Variants in PDE11A observed in about 807,000 individuals in gnomAD.
PDE11A encodes the protein dual 3',5'-cyclic-AMP and -GMP phosphodiesterase 11A.
PDE11A carries 100 observed loss-of-function variants against 100.5 expected under a neutral mutation model. The observed-to-expected ratio is 1.00, with a 90% CI of 0.85 to 1.18. PDE11A has a LOEUF of 1.18. PDE11A is among the 50% of genes most tolerant of loss of function. The probability of loss-of-function intolerance (pLI) is 0.00; values close to 1 mark genes in which losing one functional copy is unlikely to be tolerated. For synonymous variants in PDE11A, 381 were observed against 420.8 expected (o/e 0.91, Z 1.16); for missense variants, 1,141 against 1,152.6 (o/e 0.99, Z 0.15).
intron 6 of PDE11A, among the ~76,000 whole-genome samples, chr2:177,830,369 G>A (rs557170051): frequency 3.9e-5 from 6 of 152,204 alleles, no homozygotes; most frequent in South Asian, 2.1e-4. Context: ...GGAGGCCAAG[G>A]TGGGTGGATC....
chr2:177,952,876 T>C (rs953566158), intron 2 of PDE11A, among the ~76,000 whole-genome samples: 1 of 152,232 alleles, frequency 6.6e-6, no homozygotes, highest in African/African-American at 2.4e-5. Flanking sequence ...AGGCAATTAC[T>C]GCTTTTCCTG....
Position 178,072,290 on chromosome 2 carries a change from C to T in PDE11A, c.148G>A (p.Gly50Ser), listed in dbSNP as rs767248798. The change falls in exon 1 of 20, where the codon GGT becomes AGT. Residue 50 changes from glycine to serine, a missense_variant. Coordinates refer to ENST00000286063, the MANE Select transcript of PDE11A (RefSeq NM_016953.4). ...QRHSQGQGALGPRPSLAGTSS... is the reference protein window; with the variant it reads ...QRHSQGQGALSPRPSLAGTSS... ...GTACCAGCCAAAGAGGGCCTTGGAC[C>T]TAAAGCCCCCTGACCCTGACTGTGC... The T allele has an allele frequency of 5.6e-6, 9 of 1,613,984 alleles. No homozygotes were observed. The highest frequency in any genetic ancestry group is 1.7e-6 in the Non-Finnish European group (2 of 1,179,952).
chr2:177,812,910 A>T (rs1459129881), intron 9 of PDE11A, among the ~76,000 whole-genome samples: 2 of 94,396 alleles, frequency 2.1e-5, no homozygotes, highest in Non-Finnish European at 2.1e-5. Flanking sequence ...TAATGCAGGC[A>T]TTATATAGAA....
chr2:177,822,118 T>C (rs932472107), intron 6 of PDE11A, among the ~76,000 whole-genome samples: 2 of 151,932 alleles, frequency 1.3e-5, no homozygotes, highest in Non-Finnish European at 2.9e-5. Flanking sequence ...AATTTTTAAA[T>C]TTATGGTCAG....
upstream of PDE11A, chr2:178,072,837 G>C: frequency 3.4e-6 from 4 of 1,180,790 alleles, no homozygotes; most frequent in South Asian, 7.0e-5. Context: ...GTGAGGCACG[G>C]AGCCTGGAGG....
At chr2:177,888,063 T>A (rs2084469880) in intron 4 of PDE11A, among the ~76,000 whole-genome samples, 1 of 152,200 alleles carries the variant, frequency 6.6e-6, no homozygotes, top group Non-Finnish European at 1.5e-5. Context: ...AATATTCTGT[T>A]ACCTGCAGGA....
intron 2 of PDE11A, among the ~76,000 whole-genome samples, chr2:178,104,085 C>CA (rs2087590676): frequency 6.6e-6 from 1 of 152,090 alleles, no homozygotes; most frequent in Non-Finnish European, 1.5e-5. Context: ...CCTGTATAGG[C>CA]AAAAACCTAT....
intron 2 of PDE11A, among the ~76,000 whole-genome samples, chr2:178,079,634 T>C (rs1328391220): frequency 2.0e-5 from 3 of 152,210 alleles, no homozygotes; most frequent in East Asian, 3.9e-4. Flanking sequence ...GAATGATTTA[T>C]ATTCCTTTGA....
At chr2:177,924,984 G>GT (rs933366200) in intron 2 of PDE11A, among the ~76,000 whole-genome samples, 1 of 149,534 alleles carries the variant, frequency 6.7e-6, no homozygotes, top group Non-Finnish European at 1.5e-5. Flanking sequence ...GCGGTGTTTG[G>GT]TTTTTTGTTC....
At chr2:178,058,154 C>A (rs1444409535) in intron 1 of PDE11A, among the ~76,000 whole-genome samples, 1 of 152,034 alleles carries the variant, frequency 6.6e-6, no homozygotes, top group African/African-American at 2.4e-5. Context: ...CTGCGCCTGG[C>A]CCCTAGCTCA....
chr2:177,837,273 T>C (rs1220874051), intron 6 of PDE11A, among the ~76,000 whole-genome samples: 1 of 152,212 alleles, frequency 6.6e-6, no homozygotes, highest in Non-Finnish European at 1.5e-5. Flanking sequence ...TAGGACAGGA[T>C]GTGGGTGTAG....
At chr2:177,665,551 T>C (rs952924682) in intron 18 of PDE11A, among the ~76,000 whole-genome samples, 1 of 150,938 alleles carries the variant, frequency 6.6e-6, no homozygotes, top group Admixed American at 6.6e-5. Context: ...ACACAAAATG[T>C]TTCTTTAAAA....
intron 17 of PDE11A, among the ~76,000 whole-genome samples, chr2:177,672,233 C>T (rs2080694759): frequency 6.6e-6 from 1 of 152,194 alleles, no homozygotes; most frequent in East Asian, 1.9e-4. Flanking sequence ...AATTATCCTG[C>T]TTTATGTGAC....
chr2:177,641,625 T>C (rs73977688), intron 19 of PDE11A, among the ~76,000 whole-genome samples: 10,096 of 152,186 alleles, frequency 0.066, 931 homozygotes, highest in African/African-American at 0.21. Flanking sequence ...AATTAATTTG[T>C]ATTAAATTGC....
At chr2:177,712,343 T>TTC (rs1491497747) in intron 12 of PDE11A, among the ~76,000 whole-genome samples, 4 of 21,234 alleles carry the variant, frequency 1.9e-4, no homozygotes, top group African/African-American at 4.9e-4. Flanking sequence ...ACAACCCTTC[T>TTC]TTTTTTTTTT....
chr2:177,956,110 G>C (rs905130150), intron 2 of PDE11A, among the ~76,000 whole-genome samples: 4 of 151,980 alleles, frequency 2.6e-5, no homozygotes, highest in African/African-American at 9.7e-5. Flanking sequence ...ACTACCATCA[G>C]AGTGAACAGG....
intron 19 of PDE11A, among the ~76,000 whole-genome samples, chr2:177,635,717 G>A (rs1010094610): frequency 6.6e-6 from 1 of 151,996 alleles, no homozygotes; most frequent in Non-Finnish European, 1.5e-5. Context: ...AGATAATCAA[G>A]AAAAATTTTC....
intron 19 of PDE11A, among the ~76,000 whole-genome samples, chr2:177,650,689 T>C (rs2080294851): frequency 1.3e-5 from 2 of 152,230 alleles, no homozygotes; most frequent in Non-Finnish European, 1.5e-5. Context: ...TCAAATTTTA[T>C]ACATAGATAG....
Position 178,060,540 on chromosome 2 carries a change from C to T in PDE11A, c.912+10986G>A, listed in dbSNP as rs532210443. On this transcript the variant is annotated intron_variant, in intron 1 of 19. Coordinates refer to ENST00000286063, the MANE Select transcript of PDE11A (RefSeq NM_016953.4). ...TTAAGACAGAAGGTATCATTATCCT[C>T]ATTTTAGAATTGCAGAAACTAGCAA... is the stretch of plus-strand genomic sequence containing the variant. Among the ~76,000 whole-genome samples, 49 of 152,268 alleles carry T rather than the reference C, an allele frequency of 3.2e-4. No homozygotes were observed. In the Middle Eastern group the frequency reaches 0.01, roughly 32 times the overall value.
Sources: gnomAD v4.1 joint callset for allele counts (sites outside exome capture counted in the v4.1 genomes callset) on GRCh38, gnomAD v4.1.1 for gene constraint, MANE v1.5 for transcripts, NCBI Gene and HGNC (gene_info 2026-07-23, HGNC 2026-07-21) for gene names.